PRDM11: variants seen among roughly 807,000 people sequenced by gnomAD.
PRDM11 encodes the protein PR domain-containing protein 11.
Under a neutral mutation model 97.8 loss-of-function variants are expected in PRDM11, and 20 were observed. The ratio of observed to expected loss-of-function variants is 0.20; its 90% CI spans 0.14 to 0.30. The LOEUF is 0.30. PRDM11 is among the 10% of genes least tolerant of loss of function. The probability of loss-of-function intolerance (pLI) is 1.00; values close to 1 mark genes in which losing one functional copy is unlikely to be tolerated. For missense variants in PRDM11, 1,139 were observed against 1,555.2 expected, an observed-to-expected ratio of 0.73 and a Z score of 4.50; for synonymous variants, 599 against 637.7, an observed-to-expected ratio of 0.94 and a Z score of 0.91.
chr11:45,197,870 G>A (rs1590433365), intron 4 of PRDM11, among the ~76,000 whole-genome samples: 1 of 152,076 alleles, frequency 6.6e-6, no homozygotes, highest in South Asian at 2.1e-4. Context: ...AGGGCCTGTC[G>A]TGGGGTGCGG....
At chr11:45,206,415 G>T (rs1357878548) in intron 5 of PRDM11, among the ~76,000 whole-genome samples, 2 of 152,204 alleles carry the variant, frequency 1.3e-5, no homozygotes, top group Admixed American at 1.3e-4. Flanking sequence ...GCTCAGTTTG[G>T]ACCCCAAGCC....
chr11:45,125,907 G>C (rs1356021203), intron 1 of PRDM11, among the ~76,000 whole-genome samples: 1 of 152,134 alleles, frequency 6.6e-6, no homozygotes, highest in East Asian at 1.9e-4. Context: ...TTAACTTTCT[G>C]TCTTGTTGAT....
intron 7 of PRDM11, 65 bp downstream of exon 7, chr11:45,224,908 G>A: frequency 6.2e-7 from 1 of 1,601,270 alleles, no homozygotes; most frequent in Non-Finnish European, 8.5e-7. Flanking sequence ...GTGGAGGGTA[G>A]CCTAAAGCTC....
chr11:45,143,553 C>T (rs771104955), upstream of PRDM11, among the ~76,000 whole-genome samples: 6 of 152,158 alleles, frequency 3.9e-5, no homozygotes, highest in Non-Finnish European at 5.9e-5. Context: ...GGAAATATTT[C>T]ACCACCCATT....
intron 1 of PRDM11, among the ~76,000 whole-genome samples, chr11:45,174,703 T>G (rs908076554): frequency 2.6e-5 from 4 of 152,184 alleles, no homozygotes; most frequent in African/African-American, 9.7e-5. Context: ...TCTTTAGCAA[T>G]TTCTAAACTA....
At chr11:45,128,759 C>T (rs905474981) in intron 1 of PRDM11, among the ~76,000 whole-genome samples, 1 of 152,036 alleles carries the variant, frequency 6.6e-6, no homozygotes, top group African/African-American at 2.4e-5. Flanking sequence ...CTTATTTAAA[C>T]TATTTCAGAA....
chr11:45,234,979 T>G lies in PRDM11; in HGVS notation c.*6820T>G, dbSNP rs956259910. Reference sequence around the variant, plus strand: ...TGCAGACTACGCTTTATAGTACCTGTGTGACGGGACCTAGAACACTGGATA... The same window carrying G: ...TGCAGACTACGCTTTATAGTACCTGGGTGACGGGACCTAGAACACTGGATA... On this transcript the variant is annotated 3_prime_UTR_variant, in exon 8 of 8. Transcript: ENST00000683152. The G allele has an allele frequency of 6.6e-6, 1 of 152,232 alleles. No homozygotes were observed. Among genetic ancestry groups the G allele is most frequent in the African/African-American group, 2.4e-5 (1 of 41,448 alleles). 9.4% of individuals were successfully genotyped at this position (152,232 alleles called of 1,614,324 possible).
At chr11:45,177,359 C>G (rs1307398614) in intron 1 of PRDM11, among the ~76,000 whole-genome samples, 1 of 152,232 alleles carries the variant, frequency 6.6e-6, no homozygotes, top group Non-Finnish European at 1.5e-5. Context: ...CCTGCCGACC[C>G]CCCTTCCCCC....
At chr11:45,119,619 C>CAAAAAAAAAAAAAAAAAAA (rs56367204) in intron 1 of PRDM11, among the ~76,000 whole-genome samples, 2 of 43,060 alleles carry the variant, frequency 4.6e-5, no homozygotes, top group African/African-American at 2.7e-4. Context: ...GATTCTGTCT[C>CAAAAAAAAAAAAAAAAAAA]AAAAAAAAAA....
chr11:45,130,600 A>G (rs544028200), intron 1 of PRDM11, among the ~76,000 whole-genome samples: 2 of 152,296 alleles, frequency 1.3e-5, no homozygotes, highest in East Asian at 3.9e-4. Flanking sequence ...TCACTCATGT[A>G]TTGTTTTTGA....
rs575175180 is a variant in PRDM11 at position 45,213,546 on chromosome 11, G to A, written c.555-6024G>A. ...GGGGTGGTGCCCGCCTTGGCCCTCC[G>A]CTTGCCCTTGTGCGCGTGCTCAGCT... On this transcript the variant is annotated intron_variant, in intron 5 of 7. Transcript: ENST00000683152. 5.9e-5 allele frequency: 27 copies of A among 456,484 alleles called. No individual in the cohort carries two copies. The East Asian group carries it at 1.0e-3, about 18-fold the overall frequency. The allele number at this position is 456,484 out of a possible 1,614,324, so 28.3% of individuals were successfully genotyped here. A position where few individuals can be genotyped will look rare whatever the true frequency, so the allele number is the denominator to read the frequency against.
At chr11:45,198,074 T>A (rs542488610) in intron 4 of PRDM11, among the ~76,000 whole-genome samples, 1 of 152,330 alleles carries the variant, frequency 6.6e-6, no homozygotes, top group South Asian at 2.1e-4. Flanking sequence ...CATTTCCTTA[T>A]CAGTTAAATT....
In PRDM11 at chr11:45,224,272, C is replaced by A; in HGVS notation, c.798C>A (p.Asp266Glu). ...AGCAGGTTCTGGATAACCCAGAAGACCTGAGGGGTCCCATTCATCTCTCTG... is the reference window on the plus strand; with the variant it reads ...AGCAGGTTCTGGATAACCCAGAAGAACTGAGGGGTCCCATTCATCTCTCTG... Reference protein sequence around the residue: ...KSEQVLDNPEDLRGPIHLSVL... With the variant: ...KSEQVLDNPEELRGPIHLSVL... The change falls in exon 7 of 8, where the codon GAC becomes GAA. Residue 266 changes from aspartate (D) to glutamate (E), a missense_variant. Transcript: ENST00000683152. 6.2e-7 allele frequency: 1 copy of A among 1,613,486 alleles called. No individual in the cohort carries two copies. The highest frequency in any genetic ancestry group is 8.5e-7 in the Non-Finnish European group (1 of 1,179,766).
intron 1 of PRDM11, among the ~76,000 whole-genome samples, chr11:45,175,991 A>ATT (rs201568283): frequency 4.0e-5 from 6 of 150,474 alleles, no homozygotes; most frequent in African/African-American, 1.5e-4. Context: ...CTTTTTATCC[A>ATT]TTTTTTTTTC....
At chr11:45,203,348 T>C (rs978897083) in intron 4 of PRDM11, among the ~76,000 whole-genome samples, 1 of 150,938 alleles carries the variant, frequency 6.6e-6, no homozygotes, top group Non-Finnish European at 1.5e-5. Context: ...AGAGGCAGGA[T>C]GTATAAAAGG....
chr11:45,184,826 A>G (rs978584838), intron 4 of PRDM11, among the ~76,000 whole-genome samples: 10 of 152,094 alleles, frequency 6.6e-5, no homozygotes, highest in Admixed American at 3.3e-4. Context: ...TCACCTGTGC[A>G]TGGGTGGTCA....
At chr11:45,172,188 G>T (rs995611168) in intron 1 of PRDM11, among the ~76,000 whole-genome samples, 1 of 152,238 alleles carries the variant, frequency 6.6e-6, no homozygotes, top group Admixed American at 6.5e-5. Context: ...GCTGTGCAGG[G>T]CAAGGTGTAG....
chr11:45,197,539 G>A (rs1193276128), intron 4 of PRDM11, among the ~76,000 whole-genome samples: 1 of 152,162 alleles, frequency 6.6e-6, no homozygotes, highest in Non-Finnish European at 1.5e-5. Flanking sequence ...GGAATCTTTT[G>A]GAGGTAATGG....
intron 1 of PRDM11, among the ~76,000 whole-genome samples, chr11:45,097,035 G>T (rs1851895170): frequency 6.6e-6 from 1 of 152,226 alleles, no homozygotes; most frequent in Non-Finnish European, 1.5e-5. Flanking sequence ...TGGCTGAGAG[G>T]TAAATGGGAT....
Sources: allele counts gnomAD v4.1 joint callset (sites outside exome capture counted in the v4.1 genomes callset), GRCh38; gene constraint gnomAD v4.1.1; transcripts MANE v1.5; gene names NCBI Gene and HGNC (gene_info 2026-07-23, HGNC 2026-07-21).